Variants in AP3B1 observed in about 807,000 individuals in gnomAD.
AP3B1 encodes AP-3 complex subunit beta-1.
AP3B1 carries 61 observed loss-of-function variants against 132.5 expected under a neutral mutation model. The ratio of observed to expected loss-of-function variants is 0.46; its 90% CI spans 0.37 to 0.57. The LOEUF (loss-of-function observed/expected upper bound fraction) is 0.57, where lower values mean the gene tolerates loss of function less well. AP3B1 is among the 20% of genes least tolerant of loss of function. AP3B1 has a pLI of 0.00. For missense variants in AP3B1, 1,120 were observed against 1,289.4 expected, an observed-to-expected ratio of 0.87 and a Z score of 2.01; for synonymous variants, 388 against 438.3, an observed-to-expected ratio of 0.89 and a Z score of 1.43.
chr5:78,270,157 C>G (rs1372402438), intron 1 of AP3B1, among the ~76,000 whole-genome samples: 32 of 152,120 alleles, frequency 2.1e-4, no homozygotes, highest in Admixed American at 2.1e-3. Flanking sequence ...GGTGATCCAC[C>G]AACCTCGGCC....
chr5:78,117,340 C>G (rs369596896), intron 17 of AP3B1, among the ~76,000 whole-genome samples: 2 of 149,144 alleles, frequency 1.3e-5, no homozygotes, highest in Admixed American at 1.3e-4. Flanking sequence ...GACGGAGTCT[C>G]GCTCCGTCGC....
intron 2 of AP3B1, among the ~76,000 whole-genome samples, chr5:78,266,210 T>C (rs551241738): frequency 2.0e-5 from 3 of 152,052 alleles, no homozygotes; most frequent in Non-Finnish European, 4.4e-5. Flanking sequence ...TGTTAGGGGA[T>C]TGGTGTCACT....
At chr5:78,260,525 C>T (rs28700067) in intron 2 of AP3B1, among the ~76,000 whole-genome samples, 36,447 of 151,840 alleles carry the variant, frequency 0.24, 5,170 homozygotes, top group Non-Finnish European at 0.32. Flanking sequence ...ACCCAGAAGG[C>T]GGAGGTTGCA....
At chr5:78,281,504 AGACT>A (rs906572491) in intron 1 of AP3B1, among the ~76,000 whole-genome samples, 16 of 152,110 alleles carry the variant, frequency 1.1e-4, no homozygotes, top group African/African-American at 2.9e-4. Flanking sequence ...TATTTTTAAA[AGACT>A]GACTAACTTA....
chr5:78,043,465 G>A (rs1341943266), intron 22 of AP3B1: 5 of 231,980 alleles, frequency 2.2e-5, no homozygotes, highest in Non-Finnish European at 2.8e-5. Context: ...CTCTTCCTCT[G>A]CCTATCATCA....
intron 26 of AP3B1, among the ~76,000 whole-genome samples, chr5:78,008,621 C>T (rs765564917): frequency 2.6e-5 from 4 of 152,192 alleles, no homozygotes; most frequent in Non-Finnish European, 5.9e-5. Flanking sequence ...TACAAATCTT[C>T]AGTCCTGTTT....
chr5:78,105,277 G>A (rs1021626803), intron 20 of AP3B1, among the ~76,000 whole-genome samples: 1 of 105,400 alleles, frequency 9.5e-6, no homozygotes, highest in Non-Finnish European at 2.5e-5. Flanking sequence ...GACTAACAAC[G>A]TAGCTGAAAT....
chr5:78,015,285 G>C lies in AP3B1; in HGVS notation c.3131+125C>G, dbSNP rs1382375682. On this transcript the variant is annotated intron_variant, in intron 26 of 26. Coordinates refer to ENST00000255194, the MANE Select transcript of AP3B1 (RefSeq NM_003664.5). ...ACAACTATACCATCAGAAAAAAAAG[G>C]GAGTGTGTGTATATATATATATGTT... The C allele has an allele frequency of 7.9e-6, 8 of 1,018,656 alleles. No individual in the cohort carries two copies. In the Admixed American group the frequency reaches 1.8e-4, roughly 23 times the overall value. 63.1% of individuals were successfully genotyped at this position (1,018,656 alleles called of 1,614,324 possible). A position where few individuals can be genotyped will look rare whatever the true frequency, so the allele number is the denominator to read the frequency against.
intron 15 of AP3B1, among the ~76,000 whole-genome samples, chr5:78,134,370 G>A (rs974691164): frequency 3.9e-5 from 6 of 151,956 alleles, no homozygotes; most frequent in Non-Finnish European, 5.9e-5. Context: ...GGACACAGAA[G>A]TCTGCATTCG....
intron 14 of AP3B1, among the ~76,000 whole-genome samples, chr5:78,151,536 C>A (rs990222339): frequency 2.0e-5 from 3 of 152,058 alleles, no homozygotes; most frequent in Non-Finnish European, 4.4e-5. Context: ...TTCCTTCTAT[C>A]CCCAGTTTTG....
chr5:78,123,092 G>A (rs1032168549), intron 17 of AP3B1, among the ~76,000 whole-genome samples: 103 of 152,258 alleles, frequency 6.8e-4, no homozygotes, highest in African/African-American at 2.3e-3. Context: ...AACAAGCAAC[G>A]GGGAAAGGAT....
chr5:78,143,702 G>A (rs1192241345), intron 14 of AP3B1, among the ~76,000 whole-genome samples: 1 of 152,086 alleles, frequency 6.6e-6, no homozygotes, highest in Non-Finnish European at 1.5e-5. Context: ...CTGAAAAAAA[G>A]GCAAGTAAGA....
intron 2 of AP3B1, among the ~76,000 whole-genome samples, chr5:78,255,981 T>A (rs1450467578): frequency 6.6e-6 from 1 of 152,024 alleles, no homozygotes; most frequent in Non-Finnish European, 1.5e-5. Context: ...AATATGCTCC[T>A]GAATGACCAG....
intron 21 of AP3B1, among the ~76,000 whole-genome samples, chr5:78,096,655 CG>C (rs1750804828): frequency 6.6e-6 from 1 of 151,976 alleles, no homozygotes; most frequent in African/African-American, 2.4e-5. Flanking sequence ...CGCCTCTGCC[CG>C]GCCGCGACTC....
intron 23 of AP3B1, among the ~76,000 whole-genome samples, chr5:78,037,410 T>A (rs984898493): frequency 3.9e-5 from 6 of 152,222 alleles, no homozygotes; most frequent in Non-Finnish European, 5.9e-5. Flanking sequence ...TAGGATACTT[T>A]GTGTTCTTTA....
chr5:78,144,210 A>G (rs1211905443), intron 14 of AP3B1, among the ~76,000 whole-genome samples: 1 of 152,206 alleles, frequency 6.6e-6, no homozygotes, highest in Non-Finnish European at 1.5e-5. Flanking sequence ...GACAAATTGG[A>G]TTGTAAATGA....
chr5:78,038,419 T>C (rs1291884852), intron 23 of AP3B1, among the ~76,000 whole-genome samples: 2 of 152,112 alleles, frequency 1.3e-5, no homozygotes, highest in Non-Finnish European at 2.9e-5. Context: ...GGGCCACACA[T>C]AAAATACACT....
intron 18 of AP3B1, 123 bp from the exon 19 acceptor site, chr5:78,114,046 C>G (rs1751717641): frequency 7.4e-6 from 8 of 1,075,970 alleles, no homozygotes; most frequent in South Asian, 2.9e-5. Context: ...GTGGACACCA[C>G]TTGTTTAACA....
intron 14 of AP3B1, among the ~76,000 whole-genome samples, chr5:78,146,348 T>C (rs1213066456): frequency 6.6e-6 from 1 of 152,226 alleles, no homozygotes; most frequent in Non-Finnish European, 1.5e-5. Context: ...GTTTTGATTC[T>C]TCCTTGCTTG....
Sources: allele counts gnomAD v4.1 joint callset (sites outside exome capture counted in the v4.1 genomes callset), GRCh38; gene constraint gnomAD v4.1.1; transcripts MANE v1.5; gene names NCBI Gene and HGNC (gene_info 2026-07-23, HGNC 2026-07-21).